PCM1: variants seen among roughly 807,000 people sequenced by gnomAD.
The protein encoded by PCM1 is pericentriolar material 1.
A neutral mutation model predicts 241.9 loss-of-function variants in PCM1; 157 were observed. The ratio of observed to expected loss-of-function variants is 0.65; its 90% CI spans 0.57 to 0.74. The LOEUF is 0.74. Ranked by LOEUF, PCM1 falls within the 30% of genes least tolerant of loss-of-function variation. The pLI, the probability that PCM1 is intolerant of heterozygous loss-of-function variation, is 0.00. For synonymous variants in PCM1, 1,085 were observed against 784.9 expected (o/e 1.38, Z -6.39); for missense variants, 3,478 against 2,360.1 (o/e 1.47, Z -9.81).
intron 2 of PCM1, chr8:17,926,054 A>G (rs1258724828): frequency 1.3e-5 from 2 of 152,024 alleles, no homozygotes; most frequent in Non-Finnish European, 2.9e-5. Flanking sequence ...AATGGAACTC[A>G]AGGGAAAGGT....
In PCM1 at chr8:17,991,550, G is replaced by A. The variant is rs753455636; in HGVS notation, c.4540G>A (p.Val1514Met). 1.4e-5 allele frequency: 23 copies of A among 1,598,922 alleles called. No individual in the cohort carries two copies. The South Asian group carries it at 1.7e-4, about 12-fold the overall frequency. Residue 1514 changes from valine (V) to methionine (M), a missense_variant, in exon 28 of 39, where the codon GTG (valine) becomes ATG (methionine). Transcript: ENST00000325083. Reference sequence around the variant, plus strand: ...TTTTGTTCCAAATGTAGGTAACACCGTGATTCACTTAGATCAAGCATTAGC... The same window carrying A: ...TTTTGTTCCAAATGTAGGTAACACCATGATTCACTTAGATCAAGCATTAGC... Reference protein sequence around the residue: ...PFATDDLGNTVIHLDQALARM... With the variant: ...PFATDDLGNTMIHLDQALARM...
At chr8:17,974,894 A>C (rs994218994) in intron 23 of PCM1, among the ~76,000 whole-genome samples, 3 of 134,854 alleles carry the variant, frequency 2.2e-5, no homozygotes, top group East Asian at 2.3e-4. Context: ...CACACACACA[A>C]ATAAAAGGCT....
chr8:17,961,531 T>C (rs1394960251), intron 15 of PCM1, among the ~76,000 whole-genome samples: 2 of 152,122 alleles, frequency 1.3e-5, no homozygotes, highest in African/African-American at 2.4e-5. Flanking sequence ...CAAGATGGTC[T>C]CAGTCTCCTG....
chr8:17,989,788 ATC>A, intron 26 of PCM1, 69 bp from the exon 27 acceptor site: 4 of 1,047,042 alleles, frequency 3.8e-6, no homozygotes, highest in Admixed American at 2.6e-5. Context: ...ATACTTAGTT[ATC>A]TCTGTTAGAT....
rs750768670 is a variant in PCM1 at position 17,947,204 on chromosome 8, G to A, written c.802G>A (p.Glu268Lys). Residue 268 changes from glutamate (E) to lysine (K), a missense_variant, in exon 7 of 39, where the codon GAG becomes AAG. Physicochemically the swap from Glu to Lys is moderately conservative, Grantham distance 56. Transcript: ENST00000325083. Reference protein sequence around the residue: ...KKILARDPQQEPMEEIENLKK... With the variant: ...KKILARDPQQKPMEEIENLKK... ...TTTCCAGGCCAGAGATCCTCAGCAG[G>A]AGCCTATGGAAGAGATAGAAAATTT... 1 of 1,604,604 alleles carries A rather than the reference G, an allele frequency of 6.2e-7. No individual in the cohort carries two copies. The highest frequency in any genetic ancestry group is 8.5e-7 in the Non-Finnish European group (1 of 1,174,124).
In PCM1 at chr8:17,957,291, T is replaced by C; in HGVS notation, c.1674T>C (p.Asn558=). ...IRNPQVASTW[N]EVNSHSNAQC... The stretch of plus-strand genomic sequence containing the variant: ...ATCCACAAGTAGCTTCCACTTGGAA[T>C]GAAGTAAATAGTCATAGTAATGCAC... The change falls in exon 12 of 39, where the codon AAT becomes AAC. Residue 558 remains asparagine (N), a synonymous_variant. Transcript: ENST00000325083. The C allele has an allele frequency of 1.3e-6, 2 of 1,597,066 alleles. No homozygotes were observed. Among genetic ancestry groups the C allele is most frequent in the Non-Finnish European group, 1.7e-6 (2 of 1,170,140 alleles).
At chr8:17,941,211 C>G (rs1168923557) in intron 6 of PCM1, among the ~76,000 whole-genome samples, 1 of 152,046 alleles carries the variant, frequency 6.6e-6, no homozygotes, top group African/African-American at 2.4e-5. Context: ...TAGGTTCCAG[C>G]AGAAATGGAA....
chr8:17,987,398 C>G (rs2082964519), intron 26 of PCM1, among the ~76,000 whole-genome samples: 1 of 151,682 alleles, frequency 6.6e-6, no homozygotes, highest in African/African-American at 2.4e-5. Flanking sequence ...CACTTTTATC[C>G]AAGTTTCATA....
Position 18,027,031 on chromosome 8 carries a change from T to C in PCM1, c.6050-606T>C, listed in dbSNP as rs78787774. Among the ~76,000 whole-genome samples, 198 of 152,348 alleles carry C rather than the reference T, an allele frequency of 1.3e-3. 1 individual carries two copies. Among genetic ancestry groups the C allele is most frequent in the African/African-American group, 4.5e-3 (189 of 41,580 alleles). On this transcript the variant is annotated intron_variant, in intron 38 of 38. Transcript: ENST00000325083. ...ACACAGCTCTGGAGCCACTCAATGT[T>C]TCTTGCATCAGGATCAAAGGGTTTT...
intron 36 of PCM1, among the ~76,000 whole-genome samples, chr8:18,016,821 G>A (rs11777465): frequency 0.08 from 12,117 of 152,196 alleles, 643 homozygotes; most frequent in East Asian, 0.24. Flanking sequence ...AGGAAGTTAG[G>A]CTAATGCTTT....
In PCM1 at chr8:17,947,185, G is replaced by T; in HGVS notation, c.784-1G>T. ...CAAGTATTGTTGGTCTTATTTTCCA[G>T]GCCAGAGATCCTCAGCAGGAGCCTA... is the stretch of plus-strand genomic sequence containing the variant. On this transcript the variant is annotated splice_acceptor_variant, in intron 6 of 38. Coordinates refer to ENST00000325083, the MANE Select transcript of PCM1 (RefSeq NM_006197.4). LOFTEE classifies it high-confidence loss of function. 2 of 1,580,016 alleles carry T rather than the reference G, an allele frequency of 1.3e-6. No individual in the cohort carries two copies. Among genetic ancestry groups the T allele is most frequent in the Non-Finnish European group, 1.7e-6 (2 of 1,160,012 alleles).
rs558496155 is a variant in PCM1 at position 18,004,073 on chromosome 8, T to G, written c.4828-2190T>G. On this transcript the variant is annotated intron_variant, in intron 29 of 38. Coordinates refer to ENST00000325083, the MANE Select transcript of PCM1 (RefSeq NM_006197.4). ...TTAAAAAAAAAGCCTAAATGATCTA[T>G]CCTTATGCTTAGGGAGTGCAGCCTT... 4.6e-5 allele frequency among the ~76,000 whole-genome samples: 7 copies of G among 152,268 alleles called. No homozygotes were observed. In the South Asian group the frequency reaches 1.4e-3, roughly 32 times the overall value.
At chr8:17,982,418 T>C (rs2081180842) in intron 24 of PCM1, 1 of 152,168 alleles carries the variant, frequency 6.6e-6, no homozygotes, top group East Asian at 1.9e-4. Context: ...AATATAATGA[T>C]TGAATTTTGG....
chr8:17,991,459 CA>C lies in PCM1; in HGVS notation c.4532-82del, dbSNP rs2084604679. The C allele has an allele frequency of 7.4e-6, 9 of 1,209,434 alleles. No individual in the cohort carries two copies. The South Asian group carries it at 1.2e-4, about 16-fold the overall frequency. 74.9% of individuals were successfully genotyped at this position (1,209,434 alleles called of 1,614,324 possible). A position where few individuals can be genotyped will look rare whatever the true frequency, so the allele number is the denominator to read the frequency against. On this transcript the variant is annotated intron_variant, in intron 27 of 38. Transcript: ENST00000325083. ...CTAATTTTCCTCCCTTTTGTTTGGA[CA>C]TTTTTTTATTAATGCATTTTGAGGA...
In PCM1 at chr8:17,947,555, A is replaced by T. The variant is rs560920319; in HGVS notation, c.961+192A>T. On this transcript the variant is annotated intron_variant, in intron 7 of 38. Coordinates refer to ENST00000325083, the MANE Select transcript of PCM1 (RefSeq NM_006197.4). Reference sequence around the variant, plus strand: ...GGTTGCAGGGACAACTGGCCATCATACTATACCATGCAGATAGCCAGATCT... The same window carrying T: ...GGTTGCAGGGACAACTGGCCATCATTCTATACCATGCAGATAGCCAGATCT... 7.2e-5 allele frequency among the ~76,000 whole-genome samples: 11 copies of T among 152,338 alleles called. No homozygotes were observed. In the East Asian group the frequency reaches 2.1e-3, roughly 29 times the overall value.
chr8:18,003,625 C>T (rs963110973), intron 29 of PCM1, among the ~76,000 whole-genome samples: 1 of 151,974 alleles, frequency 6.6e-6, no homozygotes, highest in Non-Finnish European at 1.5e-5. Context: ...GTATCTCCCC[C>T]CTAGAATAGT....
At chr8:17,976,628 G>T (rs917979647) in intron 23 of PCM1, among the ~76,000 whole-genome samples, 2 of 152,186 alleles carry the variant, frequency 1.3e-5, no homozygotes, top group Non-Finnish European at 2.9e-5. Context: ...CTTTGGACAT[G>T]TGCAAGGTCT....
intron 2 of PCM1, chr8:17,927,155 C>A (rs1420565222): frequency 7.7e-6 from 1 of 129,268 alleles, no homozygotes; most frequent in Non-Finnish European, 1.6e-5. Context: ...GAGACAGAGT[C>A]TTGCTCTGTT....
chr8:17,967,030 A>G lies in PCM1; in HGVS notation c.3272A>G (p.Glu1091Gly). The change falls in exon 21 of 39, where the codon GAA becomes GGA. Residue 1091 changes from glutamate to glycine, a missense_variant. Glu to Gly is a moderately conservative substitution (Grantham distance 98, BLOSUM62 -2). Coordinates refer to ENST00000325083, the MANE Select transcript of PCM1 (RefSeq NM_006197.4). ...ATGCGCCAGCAAAATCAGCATCCAG[A>G]AAAACCTGGAGGCAAGGAAAGAGGC... ...ELMRQQNQHP[E>G]KPGGKERGSS... is the part of the protein sequence containing the mutation. 1.2e-6 allele frequency: 2 copies of G among 1,609,344 alleles called. No homozygotes were observed. Among genetic ancestry groups the G allele is most frequent in the Non-Finnish European group, 1.7e-6 (2 of 1,177,704 alleles).
Sources: gnomAD v4.1 joint callset for allele counts (sites outside exome capture counted in the v4.1 genomes callset) on GRCh38, gnomAD v4.1.1 for gene constraint, MANE v1.5 for transcripts, NCBI Gene and HGNC (gene_info 2026-07-23, HGNC 2026-07-21) for gene names.